SGCZ: variants seen among roughly 807,000 people sequenced by gnomAD.
SGCZ encodes zeta-sarcoglycan.
In SGCZ, 40 loss-of-function variants were observed where a neutral mutation model predicts 41.3. The observed-to-expected ratio is 0.97, with a 90% CI of 0.75 to 1.26. The LOEUF is 1.26. Among genes scored for constraint, SGCZ ranks in the 50% most tolerant of loss-of-function variants. SGCZ has a pLI of 0.00. For synonymous variants in SGCZ, 206 were observed against 137.5 expected (o/e 1.50, Z -3.49); for missense variants, 552 against 369.8 (o/e 1.49, Z -4.04).
chr8:14,841,925 G>A (rs1356203497), intron 1 of SGCZ, among the ~76,000 whole-genome samples: 1 of 152,102 alleles, frequency 6.6e-6, no homozygotes, highest in East Asian at 1.9e-4. Context: ...ACATGGATTT[G>A]GCTTCCATAA....
chr8:14,450,535 T>C (rs1800561726), intron 2 of SGCZ, among the ~76,000 whole-genome samples: 1 of 152,162 alleles, frequency 6.6e-6, no homozygotes, highest in East Asian at 1.9e-4. Context: ...GTAATAATTT[T>C]AAAGTAGCTA....
intron 2 of SGCZ, among the ~76,000 whole-genome samples, chr8:14,385,072 T>G (rs1334760866): frequency 6.6e-6 from 1 of 152,202 alleles, no homozygotes; most frequent in Non-Finnish European, 1.5e-5. Flanking sequence ...TTTAGTGATG[T>G]GCTGATAGAT....
At chr8:14,965,167 T>C (rs758909257) in intron 1 of SGCZ, among the ~76,000 whole-genome samples, 6 of 152,210 alleles carry the variant, frequency 3.9e-5, no homozygotes, top group Admixed American at 6.5e-5. Flanking sequence ...GCGGCCATAG[T>C]TCGCAGAACT....
intron 1 of SGCZ, among the ~76,000 whole-genome samples, chr8:14,575,017 A>T (rs1233911968): frequency 6.6e-6 from 1 of 152,216 alleles, no homozygotes; most frequent in African/African-American, 2.4e-5. Context: ...TACAGAAAAT[A>T]ATTTTGTTTT....
intron 1 of SGCZ, among the ~76,000 whole-genome samples, chr8:15,177,884 C>T (rs943738682): frequency 6.6e-6 from 1 of 152,154 alleles, no homozygotes; most frequent in African/African-American, 2.4e-5. Context: ...ACTCCCTACT[C>T]CAGCCTAAAG....
intron 4 of SGCZ, among the ~76,000 whole-genome samples, chr8:14,226,737 C>A (rs1409330616): frequency 6.6e-6 from 1 of 151,990 alleles, no homozygotes; most frequent in Non-Finnish European, 1.5e-5. Flanking sequence ...GATTATTGGA[C>A]CATATGGTAG....
At chr8:14,829,898 G>A (rs1374913754) in intron 1 of SGCZ, among the ~76,000 whole-genome samples, 13 of 152,162 alleles carry the variant, frequency 8.5e-5, no homozygotes, top group African/African-American at 3.1e-4. Flanking sequence ...TGCAAGCTCC[G>A]CCTCCCGGGT....
chr8:14,273,613 G>T (rs1800128373), intron 3 of SGCZ, among the ~76,000 whole-genome samples: 1 of 152,046 alleles, frequency 6.6e-6, no homozygotes, highest in African/African-American at 2.4e-5. Flanking sequence ...ATACATTTTT[G>T]CATATTGTGT....
chr8:14,159,209 A>G (rs1803968877), intron 5 of SGCZ, among the ~76,000 whole-genome samples: 1 of 152,102 alleles, frequency 6.6e-6, no homozygotes. Context: ...CAATTTTAAA[A>G]CCTCTACAGA....
intron 1 of SGCZ, among the ~76,000 whole-genome samples, chr8:14,919,389 C>T (rs940226097): frequency 6.6e-6 from 1 of 151,988 alleles, no homozygotes; most frequent in Non-Finnish European, 1.5e-5. Flanking sequence ...TACAGTGAGC[C>T]GAGATCGCAC....
intron 2 of SGCZ, among the ~76,000 whole-genome samples, chr8:14,405,335 T>C (rs748631207): frequency 6.6e-6 from 1 of 150,936 alleles, no homozygotes; most frequent in Non-Finnish European, 1.5e-5. Context: ...ATGATTACTT[T>C]ATGTATCTTC....
rs73525004 is a variant in SGCZ, at chr8:15,084,112, A to G, written c.39+153473T>C. On this transcript the variant is annotated intron_variant, in intron 1 of 7. Coordinates refer to ENST00000382080, the MANE Select transcript of SGCZ (RefSeq NM_139167.4). ...TGCCTGGTTTAAAATTTTACGTGGT[A>G]AATCTCCAAACAAGTAGTTCTGTTT... Among the ~76,000 whole-genome samples the G allele has an allele frequency of 8.9e-3, 1,356 of 152,306 alleles. 24 individuals carry two copies. Among genetic ancestry groups the G allele is most frequent in the African/African-American group, 0.03 (1,261 of 41,564 alleles).
At chr8:14,692,546 T>G (rs1298648698) in intron 1 of SGCZ, among the ~76,000 whole-genome samples, 1 of 152,218 alleles carries the variant, frequency 6.6e-6, no homozygotes, top group Non-Finnish European at 1.5e-5. Context: ...ACATTCAGTG[T>G]ATTGTCCAGG....
chr8:14,327,326 A>T (rs911739526), intron 2 of SGCZ, among the ~76,000 whole-genome samples: 1 of 152,238 alleles, frequency 6.6e-6, no homozygotes, highest in African/African-American at 2.4e-5. Context: ...AGTATTAATT[A>T]GAACCTATAA....
chr8:14,958,080 G>T (rs1427750701), intron 1 of SGCZ, among the ~76,000 whole-genome samples: 1 of 152,002 alleles, frequency 6.6e-6, no homozygotes, highest in South Asian at 2.1e-4. Flanking sequence ...ACTCATGAAA[G>T]AATAATTTCA....
At chr8:14,505,426 A>G (rs1487207806) in intron 2 of SGCZ, among the ~76,000 whole-genome samples, 1 of 152,158 alleles carries the variant, frequency 6.6e-6, no homozygotes, top group Admixed American at 6.6e-5. Context: ...CCAAGCGCAG[A>G]CAATCCATTG....
At chr8:14,965,248 G>C (rs7827121) in intron 1 of SGCZ, among the ~76,000 whole-genome samples, 3 of 151,882 alleles carry the variant, frequency 2.0e-5, no homozygotes, top group Admixed American at 6.6e-5. Flanking sequence ...CTCCTCAATA[G>C]TGCCACCCAA....
In SGCZ at chr8:14,823,547, G is replaced by A. The variant is rs868814404; in HGVS notation, c.40-268621C>T. Among the ~76,000 whole-genome samples, 5 of 152,260 alleles carry A rather than the reference G, an allele frequency of 3.3e-5. No individual in the cohort carries two copies. The Middle Eastern group carries it at 0.014, about 414-fold the overall frequency. On this transcript the variant is annotated intron_variant, in intron 1 of 7. Transcript: ENST00000382080. ...AATAAATACCACCTCTTTCCAGGTA[G>A]AATGGCTATTAAGAAAAAGACAAAG...
At chr8:15,134,226 G>C (rs1393405624) in intron 1 of SGCZ, among the ~76,000 whole-genome samples, 1 of 151,254 alleles carries the variant, frequency 6.6e-6, no homozygotes, top group Non-Finnish European at 1.5e-5. Context: ...GCTGGAAAAG[G>C]TTAACTTTCA....
Sources: allele counts gnomAD v4.1 joint callset (sites outside exome capture counted in the v4.1 genomes callset), GRCh38; gene constraint gnomAD v4.1.1; transcripts MANE v1.5; gene names NCBI Gene and HGNC (gene_info 2026-07-23, HGNC 2026-07-21).